The following SCN8A variants were observed in gnomAD, a reference collection of about 807,000 sequenced individuals.
SCN8A encodes the protein sodium channel protein type 8 subunit alpha.
SCN8A carries 30 observed loss-of-function variants against 184.1 expected under a neutral mutation model. The observed-to-expected ratio is 0.16, with a 90% confidence interval of 0.12 to 0.22. SCN8A has a LOEUF of 0.22. Among genes scored for constraint, SCN8A ranks in the 10% least tolerant of loss-of-function variants. The pLI is 1.00. For missense variants in SCN8A, 1,057 were observed against 2,498.9 expected (o/e 0.42, Z 12.30); for synonymous variants, 852 against 907.0 (o/e 0.94, Z 1.09).
chr12:51,610,169 CAAA>C (rs398019572), intron 1 of SCN8A, among the ~76,000 whole-genome samples: 6 of 55,932 alleles, frequency 1.1e-4, no homozygotes, highest in Non-Finnish European at 1.2e-4. Context: ...AACTCTGTCT[CAAA>C]AAAAAAAAAA....
At chr12:51,741,709 TTTTA>T (rs1040545456) in intron 12 of SCN8A, among the ~76,000 whole-genome samples, 1 of 152,168 alleles carries the variant, frequency 6.6e-6, no homozygotes, top group Admixed American at 6.5e-5. Context: ...TTTATTTTAT[TTTTA>T]TTTATTTATT....
At chr12:51,691,452 A>C (rs1310401700) in intron 6 of SCN8A, among the ~76,000 whole-genome samples, 1 of 151,962 alleles carries the variant, frequency 6.6e-6, no homozygotes, top group African/African-American at 2.4e-5. Flanking sequence ...ATATATATAT[A>C]TCTGGAATAT....
At position 51,765,965 on chromosome 12, in the gene SCN8A, G is replaced by C; in HGVS notation, c.2839G>C (p.Val947Leu). 1 of 1,614,170 alleles carries C rather than the reference G, an allele frequency of 6.2e-7. No homozygotes were observed. The highest frequency in any genetic ancestry group is 8.5e-7 in the Non-Finnish European group (1 of 1,180,010). The change falls in exon 16 of 27, where the codon GTG (valine) becomes CTG (leucine). Residue 947 changes from valine (V) to leucine (L), a missense_variant. Around this residue, in one of 19 missense-constraint regions of SCN8A, gnomAD observed 66 missense variants for 310.6 expected, o/e 0.21. Coordinates refer to ENST00000627620, the MANE Select transcript of SCN8A (RefSeq NM_001330260.2). ...TGAGACCATGTGGGACTGCATGGAA[G>C]TGGCAGGCCAGGCCATGTGCCTCAT... ...WIETMWDCME[V>L]AGQAMCLIVF...
chr12:51,778,006 A>C (rs779192506), intron 20 of SCN8A, among the ~76,000 whole-genome samples: 2 of 152,248 alleles, frequency 1.3e-5, no homozygotes, highest in African/African-American at 4.8e-5. Context: ...AGGGAAGTAG[A>C]TACCTCCATA....
chr12:51,788,943 T>C lies in SCN8A; in HGVS notation c.4281+195T>C, dbSNP rs190776765. On this transcript the variant is annotated intron_variant, in intron 23 of 26. Coordinates refer to ENST00000627620, the MANE Select transcript of SCN8A (RefSeq NM_001330260.2). ...TCAGTAAGTCATCACTCTCTTACAT[T>C]GGCCCCCGATGATTAGACTGTTGAT... 4.0e-4 allele frequency among the ~76,000 whole-genome samples: 61 copies of C among 152,290 alleles called. 1 individual carries two copies. In the East Asian group the frequency reaches 0.01, roughly 25 times the overall value.
chr12:51,785,705 T>A (rs1051382515), intron 21 of SCN8A, among the ~76,000 whole-genome samples: 1 of 152,214 alleles, frequency 6.6e-6, no homozygotes, highest in Non-Finnish European at 1.5e-5. Flanking sequence ...CAGTGACTTT[T>A]TAACAATATG....
chr12:51,766,850 C>G (rs528330250), intron 16 of SCN8A, among the ~76,000 whole-genome samples: 9 of 152,246 alleles, frequency 5.9e-5, no homozygotes, highest in African/African-American at 2.2e-4. Context: ...TTGTGTGACT[C>G]AAAAGTACAC....
At chr12:51,634,144 A>G (rs770260342) in intron 1 of SCN8A, among the ~76,000 whole-genome samples, 2 of 152,262 alleles carry the variant, frequency 1.3e-5, no homozygotes, top group African/African-American at 4.8e-5. Flanking sequence ...AAATGTATCA[A>G]AAGAAATAAA....
chr12:51,786,406 A>C (rs1044518141), intron 21 of SCN8A, 136 bp from the exon 22 acceptor site: 5 of 987,486 alleles, frequency 5.1e-6, no homozygotes, highest in Admixed American at 2.6e-5. Context: ...CAGTCTGTCC[A>C]GTTACTCTAA....
intron 2 of SCN8A, among the ~76,000 whole-genome samples, chr12:51,682,282 A>G (rs911398830): frequency 6.6e-6 from 1 of 152,178 alleles, no homozygotes; most frequent in Non-Finnish European, 1.5e-5. Context: ...GGATGTTAGT[A>G]TAGAGTTTTC....
intron 13 of SCN8A, among the ~76,000 whole-genome samples, chr12:51,746,644 G>C (rs1942515877): frequency 6.6e-6 from 1 of 152,080 alleles, no homozygotes. Flanking sequence ...TTGAATCATA[G>C]CACGTCTGCA....
rs1057522632 is a variant in SCN8A, at chr12:51,769,954, A to G, written c.3459A>G (p.Glu1153=). 3 of 1,605,110 alleles carry G rather than the reference A, an allele frequency of 1.9e-6. No homozygotes were observed. Among genetic ancestry groups the G allele is most frequent in the Admixed American group, 1.7e-5 (1 of 58,884 alleles). The change falls in exon 18 of 27, where the codon GAA becomes GAG. Residue 1153 remains glutamate, a synonymous_variant. Coordinates refer to ENST00000627620, the MANE Select transcript of SCN8A (RefSeq NM_001330260.2). The stretch of plus-strand genomic sequence containing the variant: ...AGGTCCCTGTGGAACAGCCTGAGGA[A>G]TACTTGGATCCAGATGCCTGCTTCA... The part of the protein sequence containing the change: ...VEEVPVEQPE[E]YLDPDACFTE...
chr12:51,684,110 C>CA, intron 2 of SCN8A, 64 bp from the exon 3 acceptor site: 1 of 838,620 alleles, frequency 1.2e-6, no homozygotes, highest in Non-Finnish European at 2.1e-6. Flanking sequence ...ACCTAGAAAT[C>CA]ATTGTTTCAT....
At chr12:51,677,259 T>A (rs1218543736) in intron 2 of SCN8A, among the ~76,000 whole-genome samples, 5 of 151,904 alleles carry the variant, frequency 3.3e-5, no homozygotes, top group African/African-American at 7.3e-5. Flanking sequence ...AAATTTTTTT[T>A]ATTTTTTTTG....
intron 3 of SCN8A, among the ~76,000 whole-genome samples, chr12:51,684,841 C>T (rs990064611): frequency 2.0e-5 from 3 of 150,416 alleles, no homozygotes; most frequent in African/African-American, 5.0e-5. Context: ...TTTTACTCAC[C>T]TTAAATAGAA....
At chr12:51,661,871 A>G (rs1708879322) in intron 1 of SCN8A, among the ~76,000 whole-genome samples, 1 of 152,254 alleles carries the variant, frequency 6.6e-6, no homozygotes, top group African/African-American at 2.4e-5. Context: ...GAGCTTTTCA[A>G]ATACCATGCT....
At chr12:51,724,327 A>G (rs975818183) in intron 12 of SCN8A, among the ~76,000 whole-genome samples, 5 of 152,176 alleles carry the variant, frequency 3.3e-5, no homozygotes, top group African/African-American at 1.2e-4. Flanking sequence ...TGCGCCTATA[A>G]TCTCGGCTAC....
At chr12:51,788,409 A>G (rs1938149490) in intron 22 of SCN8A, 1 of 218,092 alleles carries the variant, frequency 4.6e-6, no homozygotes, top group South Asian at 1.8e-4. Flanking sequence ...AGTTTTCCCT[A>G]ACTTTAGGCA....
chr12:51,628,767 G>T, intron 1 of SCN8A, among the ~76,000 whole-genome samples: 1 of 152,244 alleles, frequency 6.6e-6, no homozygotes, highest in East Asian at 1.9e-4. Flanking sequence ...ATAGCAAGTT[G>T]GCAGATACCC....
Sources: gnomAD v4.1 joint callset for allele counts (sites outside exome capture counted in the v4.1 genomes callset) on GRCh38, gnomAD v4.1.1 for gene constraint, gnomAD v4.1.1 regional missense constraint, MANE v1.5 for transcripts, NCBI Gene and HGNC (gene_info 2026-07-23, HGNC 2026-07-21) for gene names.